Variants in MARCHF1 observed in about 807,000 individuals in gnomAD.
The protein encoded by MARCHF1 is membrane associated ring-CH-type finger 1.
In MARCHF1, 40 loss-of-function variants were observed where a neutral mutation model predicts 54.2. The observed-to-expected ratio is 0.74, with a 90% confidence interval of 0.57 to 0.96. The LOEUF (loss-of-function observed/expected upper bound fraction) is 0.96, where lower values mean the gene tolerates loss of function less well. Ranked by LOEUF, MARCHF1 falls within the 40% of genes least tolerant of loss-of-function variation. The probability of loss-of-function intolerance (pLI) is 0.00; values close to 1 mark genes in which losing one functional copy is unlikely to be tolerated. For synonymous variants in MARCHF1, 236 were observed against 236.3 expected (o/e 1.00, Z 0.01); for missense variants, 586 against 656.5 (o/e 0.89, Z 1.17).
intron 1 of MARCHF1, among the ~76,000 whole-genome samples, chr4:164,142,354 C>T (rs1428360513): frequency 6.6e-6 from 1 of 152,160 alleles, no homozygotes; most frequent in Non-Finnish European, 1.5e-5. Flanking sequence ...TCTGTAGGCT[C>T]CACCTCTGGG....
chr4:163,690,871 T>C (rs925812277), intron 5 of MARCHF1, among the ~76,000 whole-genome samples: 5 of 152,352 alleles, frequency 3.3e-5, no homozygotes, highest in Middle Eastern at 3.4e-3. Flanking sequence ...ACTCTTATTT[T>C]GTTCTCATTT....
At chr4:163,646,487 C>G (rs1222746766) in intron 5 of MARCHF1, among the ~76,000 whole-genome samples, 1 of 151,986 alleles carries the variant, frequency 6.6e-6, no homozygotes, top group African/African-American at 2.4e-5. Context: ...CAGATTACCT[C>G]AATACTGGAG....
chr4:164,086,640 T>C (rs1755198048), intron 2 of MARCHF1, among the ~76,000 whole-genome samples: 1 of 152,046 alleles, frequency 6.6e-6, no homozygotes, highest in Admixed American at 6.6e-5. Flanking sequence ...TATTTAAGCC[T>C]AGAAAAATTC....
At chr4:163,847,847 C>T (rs987834504) in intron 4 of MARCHF1, among the ~76,000 whole-genome samples, 2 of 152,184 alleles carry the variant, frequency 1.3e-5, no homozygotes, top group African/African-American at 4.8e-5. Context: ...TCCCAAAATG[C>T]TGGGATTACA....
At chr4:163,980,039 A>G (rs1012967610) in intron 3 of MARCHF1, among the ~76,000 whole-genome samples, 1 of 151,376 alleles carries the variant, frequency 6.6e-6, no homozygotes, top group Admixed American at 6.6e-5. Context: ...ATGGAACCAA[A>G]AAAGAGCCCG....
At chr4:164,214,278 A>G (rs1278512431) in intron 1 of MARCHF1, among the ~76,000 whole-genome samples, 1 of 152,174 alleles carries the variant, frequency 6.6e-6, no homozygotes, top group Non-Finnish European at 1.5e-5. Context: ...CAGTAAATGG[A>G]TTAAGTTACT....
intron 1 of MARCHF1, among the ~76,000 whole-genome samples, chr4:164,147,720 C>A (rs1729797840): frequency 7.0e-6 from 1 of 143,266 alleles, no homozygotes. Context: ...ATACCTAATG[C>A]TAGATGACGA....
intron 3 of MARCHF1, among the ~76,000 whole-genome samples, chr4:163,872,506 A>G (rs1034159558): frequency 6.6e-6 from 1 of 152,188 alleles, no homozygotes; most frequent in Non-Finnish European, 1.5e-5. Flanking sequence ...TGTGGTAGTA[A>G]CTTCTTTTGT....
intron 2 of MARCHF1, among the ~76,000 whole-genome samples, chr4:164,034,068 CAGATAGATAGATAGAT>C (rs199977044): frequency 0.053 from 5,818 of 110,102 alleles, 362 homozygotes; most frequent in African/African-American, 0.15. Flanking sequence ...ATGTGATAGA[CAGATAGATAGATAGAT>C]AGATAGATAG....
intron 1 of MARCHF1, among the ~76,000 whole-genome samples, chr4:164,155,026 C>T (rs1378158696): frequency 6.6e-6 from 1 of 152,170 alleles, no homozygotes; most frequent in African/African-American, 2.4e-5. Context: ...CTCCTCCTAA[C>T]ATTCCTTTTC....
At chr4:163,791,804 T>C (rs528775660) in intron 4 of MARCHF1, among the ~76,000 whole-genome samples, 6 of 152,242 alleles carry the variant, frequency 3.9e-5, no homozygotes, top group Admixed American at 6.5e-5. Context: ...CCTGCTGCAC[T>C]TCTCTCTCTC....
chr4:163,890,064 A>G lies in MARCHF1; in HGVS notation c.-38-35895T>C, dbSNP rs1750625834. 1.3e-5 allele frequency among the ~76,000 whole-genome samples: 2 copies of G among 150,076 alleles called. 1 individual carries two copies. The highest frequency in any genetic ancestry group is 1.3e-4 in the Admixed American group (2 of 15,020). On this transcript the variant is annotated intron_variant, in intron 3 of 9. Transcript: ENST00000514618. ...CTCAGCCTCCCGAGTAGCTGGGACTATAAACACCCACCACCATGCCCGGCT... is the reference window on the plus strand; with the variant it reads ...CTCAGCCTCCCGAGTAGCTGGGACTGTAAACACCCACCACCATGCCCGGCT...
At chr4:164,047,652 A>G (rs1363364003) in intron 2 of MARCHF1, among the ~76,000 whole-genome samples, 1 of 152,028 alleles carries the variant, frequency 6.6e-6, no homozygotes, top group African/African-American at 2.4e-5. Flanking sequence ...ACGTTCTTTC[A>G]CCACTATAAG....
At chr4:164,273,040 A>G (rs750142395) in intron 1 of MARCHF1, among the ~76,000 whole-genome samples, 6 of 151,932 alleles carry the variant, frequency 3.9e-5, no homozygotes, top group Non-Finnish European at 8.8e-5. Context: ...ATTAGCTCCT[A>G]TGTTAGTAAG....
At chr4:163,868,264 A>C (rs1029198093) in intron 3 of MARCHF1, among the ~76,000 whole-genome samples, 2 of 152,006 alleles carry the variant, frequency 1.3e-5, no homozygotes, top group African/African-American at 2.4e-5. Flanking sequence ...TAATGAGAAA[A>C]ATTTATGACC....
intron 1 of MARCHF1, among the ~76,000 whole-genome samples, chr4:164,316,721 A>G (rs528943521): frequency 6.6e-6 from 1 of 152,290 alleles, no homozygotes; most frequent in South Asian, 2.1e-4. Flanking sequence ...CCCATGTCGA[A>G]TTGTAATCCC....
At chr4:164,242,330 G>A (rs1431255387) in intron 1 of MARCHF1, among the ~76,000 whole-genome samples, 3 of 146,558 alleles carry the variant, frequency 2.0e-5, no homozygotes, top group East Asian at 4.0e-4. Context: ...CCTGACCCCC[G>A]AGCAGCCTAA....
chr4:164,210,621 A>T (rs1270699607), intron 1 of MARCHF1, among the ~76,000 whole-genome samples: 1 of 152,126 alleles, frequency 6.6e-6, no homozygotes, highest in Non-Finnish European at 1.5e-5. Flanking sequence ...TTATGTTATT[A>T]TATGAATAAA....
At chr4:164,124,618 T>C (rs1219944766) in intron 1 of MARCHF1, among the ~76,000 whole-genome samples, 1 of 114,142 alleles carries the variant, frequency 8.8e-6, no homozygotes, top group Non-Finnish European at 2.0e-5. Context: ...GATCCAGTCA[T>C]TTACAACAAC....
Sources: allele counts gnomAD v4.1 joint callset (sites outside exome capture counted in the v4.1 genomes callset), GRCh38; gene constraint gnomAD v4.1.1; transcripts MANE v1.5; gene names NCBI Gene and HGNC (gene_info 2026-07-23, HGNC 2026-07-21).